Variants in WDFY3 observed in about 807,000 individuals in gnomAD.
WDFY3 encodes the protein WD repeat and FYVE domain containing 3.
A neutral mutation model predicts 409.6 loss-of-function variants in WDFY3; 66 were observed. The observed-to-expected ratio is 0.16, with a 90% confidence interval of 0.13 to 0.20. The LOEUF is 0.20. Ranked by LOEUF, WDFY3 falls within the 10% of genes least tolerant of loss-of-function variation. The pLI, the probability that WDFY3 is intolerant of heterozygous loss-of-function variation, is 1.00. For synonymous variants in WDFY3, 1,521 were observed against 1,537.1 expected, an observed-to-expected ratio of 0.99 and a Z score of 0.25; for missense variants, 3,031 against 4,298.1, an observed-to-expected ratio of 0.71 and a Z score of 8.24.
intron 46 of WDFY3, 86 bp downstream of exon 46, chr4:84,724,340 T>C (rs1415668828): frequency 5.4e-6 from 8 of 1,486,364 alleles, no homozygotes; most frequent in Non-Finnish European, 7.2e-6. Flanking sequence ...GGCCCTACTA[T>C]TTATAGTTGC....
chr4:84,832,497 A>G (rs1170016813), intron 7 of WDFY3, among the ~76,000 whole-genome samples: 1 of 152,210 alleles, frequency 6.6e-6, no homozygotes, highest in Non-Finnish European at 1.5e-5. Flanking sequence ...AATGTTCCCA[A>G]TGCAAAGAAA....
intron 3 of WDFY3, among the ~76,000 whole-genome samples, chr4:84,878,222 G>A (rs983789642): frequency 6.6e-6 from 1 of 152,074 alleles, no homozygotes; most frequent in African/African-American, 2.4e-5. Context: ...AAGGCAATAA[G>A]CCAGAATCCT....
intron 2 of WDFY3, among the ~76,000 whole-genome samples, chr4:84,925,483 G>A (rs1253465174): frequency 6.6e-6 from 1 of 152,082 alleles, no homozygotes; most frequent in Non-Finnish European, 1.5e-5. Context: ...AAGAAAGGAA[G>A]AGAGAAAGAA....
chr4:84,735,048 G>A lies in WDFY3; in HGVS notation c.6988C>T (p.Gln2330Ter). ...TGATGATTATAAGTCCTTACCTCCT[G>A]ATATTCTTTATATTGTGTATCTACT... is the stretch of plus-strand genomic sequence containing the variant. Reference protein sequence around the residue: ...DLVDTQYKEYQERQQNALKYV... With the variant: ...DLVDTQYKEY Residue 2330 changes from glutamine to a stop codon, truncating the protein, a stop_gained, in exon 43 of 68, where the codon CAG (glutamine) becomes TAG (stop). Transcript: ENST00000295888. LOFTEE classifies it high-confidence loss of function. The A allele has an allele frequency of 6.2e-7, 1 of 1,611,234 alleles. No homozygotes were observed. The highest frequency in any genetic ancestry group is 8.5e-7 in the Non-Finnish European group (1 of 1,178,692).
chr4:84,819,370 A>G (rs977071356), intron 12 of WDFY3, among the ~76,000 whole-genome samples: 40 of 152,008 alleles, frequency 2.6e-4, no homozygotes, highest in African/African-American at 8.7e-4. Context: ...ATGGCTTTCC[A>G]TAACACTTAA....
At chr4:84,732,282 G>A (rs1736724927) in intron 44 of WDFY3, among the ~76,000 whole-genome samples, 1 of 152,154 alleles carries the variant, frequency 6.6e-6, no homozygotes, top group Non-Finnish European at 1.5e-5. Flanking sequence ...TTGACAAATT[G>A]TAATTGTTTA....
intron 1 of WDFY3, among the ~76,000 whole-genome samples, chr4:84,935,049 T>C (rs1390152215): frequency 6.6e-6 from 1 of 152,180 alleles, no homozygotes; most frequent in Non-Finnish European, 1.5e-5. Context: ...CATATAGTTG[T>C]AGTTCATTCA....
intron 1 of WDFY3, among the ~76,000 whole-genome samples, chr4:84,942,980 G>T (rs1248129321): frequency 6.6e-6 from 1 of 152,082 alleles, no homozygotes; most frequent in South Asian, 2.1e-4. Context: ...TGAACAACAT[G>T]GGTTTGAACT....
At chr4:84,914,336 G>A (rs988942986) in intron 2 of WDFY3, among the ~76,000 whole-genome samples, 1 of 152,082 alleles carries the variant, frequency 6.6e-6, no homozygotes, top group African/African-American at 2.4e-5. Context: ...CAGGAGAATC[G>A]CTTGAACTTG....
At position 84,743,737 on chromosome 4, in the gene WDFY3, G is replaced by A. The variant is rs775015737; in HGVS notation, c.6036C>T (p.Ser2012=). ...QKEFQTYILD[S]VMDHLLAADV... is the part of the protein sequence containing the mutation. ...CAGCTGCAAGCAAATGGTCCATCACGCTATCCAAAATGTAAGTTTGAAATT... is the reference window on the plus strand; with the variant it reads ...CAGCTGCAAGCAAATGGTCCATCACACTATCCAAAATGTAAGTTTGAAATT... The change falls in exon 37 of 68, where the codon AGC becomes AGT. Residue 2012 remains serine (S), a synonymous_variant. Transcript: ENST00000295888. The A allele has an allele frequency of 2.3e-5, 36 of 1,594,854 alleles. No homozygotes were observed. In the Middle Eastern group the frequency reaches 1.0e-3, roughly 44 times the overall value.
chr4:84,928,654 A>ATATGGCAT (rs2150935958), intron 2 of WDFY3, among the ~76,000 whole-genome samples: 1 of 152,268 alleles, frequency 6.6e-6, no homozygotes, highest in Admixed American at 6.5e-5. Context: ...ATATCCTCAC[A>ATATGGCAT]TATGGCAGCT....
At chr4:84,833,713 GAAC>G (rs1310850598) in intron 7 of WDFY3, among the ~76,000 whole-genome samples, 69 of 148,828 alleles carry the variant, frequency 4.6e-4, no homozygotes, top group African/African-American at 1.5e-3. Flanking sequence ...GAAGAGAACA[GAAC>G]AGAAGAGAAC....
Position 84,810,338 on chromosome 4 carries a change from G to A in WDFY3, c.1894C>T (p.Leu632=). The change falls in exon 14 of 68, where the codon CTG becomes TTG. Residue 632 remains leucine (L), a synonymous_variant. Transcript: ENST00000295888. ...QLKTDILRAL[L]SVLRESHRSR... Reference sequence around the variant, plus strand: ...CGATGGCTTTCTCGAAGGACCGACAGGAGGGCCTACAGGAGACAAAAGAAA... The same window carrying A: ...CGATGGCTTTCTCGAAGGACCGACAAGAGGGCCTACAGGAGACAAAAGAAA... The A allele has an allele frequency of 6.2e-7, 1 of 1,600,698 alleles. No individual in the cohort carries two copies. Among genetic ancestry groups the A allele is most frequent in the Non-Finnish European group, 8.5e-7 (1 of 1,174,606 alleles).
chr4:84,864,787 T>C (rs1042340180), intron 3 of WDFY3, among the ~76,000 whole-genome samples: 2 of 152,218 alleles, frequency 1.3e-5, no homozygotes, highest in Non-Finnish European at 2.9e-5. Flanking sequence ...AATTATAAAA[T>C]ACTTGGAAAC....
At chr4:84,695,503 G>GAGAGAC (rs1236993225) in intron 58 of WDFY3, among the ~76,000 whole-genome samples, 117 of 131,292 alleles carry the variant, frequency 8.9e-4, no homozygotes, top group African/African-American at 3.4e-3. Flanking sequence ...CAGAGACAGA[G>GAGAGAC]AGAGATAGAG....
chr4:84,904,080 T>C (rs1376007770), intron 2 of WDFY3, among the ~76,000 whole-genome samples: 1 of 152,136 alleles, frequency 6.6e-6, no homozygotes, highest in African/African-American at 2.4e-5. Flanking sequence ...TTAGTGTCCT[T>C]ATAAAAGCTC....
At chr4:84,840,856 C>T (rs760766701) in intron 6 of WDFY3, among the ~76,000 whole-genome samples, 1 of 151,744 alleles carries the variant, frequency 6.6e-6, no homozygotes, top group Non-Finnish European at 1.5e-5. Flanking sequence ...GCTGCAATTA[C>T]AGGTGTGAGC....
chr4:84,820,162 A>T lies in WDFY3; in HGVS notation c.1616T>A (p.Val539Asp). ...TAAAGCCAGGTGTTTTTGGTCTTCA[A>T]CTGAACTATTATTTCTTGAGTCCCC... Reference protein sequence around the residue: ...EQGDSRNNSSVEDQKHLALLV... With the variant: ...EQGDSRNNSSDEDQKHLALLV... Residue 539 changes from valine (V) to aspartate (D), a missense_variant, in exon 12 of 68, where the codon GTT (valine) becomes GAT (aspartate). By Grantham distance (152) the Val-to-Asp change is radical. This residue lies in a region of WDFY3 where 1,322 missense variants were observed against 1,697.9 expected (regional missense o/e 0.78). Transcript: ENST00000295888. 6.2e-7 allele frequency: 1 copy of T among 1,610,044 alleles called. No individual in the cohort carries two copies. Among genetic ancestry groups the T allele is most frequent in the Non-Finnish European group, 8.5e-7 (1 of 1,177,710 alleles).
chr4:84,772,703 CGTAAT>C, intron 30 of WDFY3, 127 bp downstream of exon 30: 1 of 727,160 alleles, frequency 1.4e-6, no homozygotes, highest in East Asian at 3.3e-5. Flanking sequence ...GGGCCAAAAA[CGTAAT>C]GTAAGGAGAA....
Sources: gnomAD v4.1 joint callset for allele counts (sites outside exome capture counted in the v4.1 genomes callset) on GRCh38, gnomAD v4.1.1 for gene constraint, gnomAD v4.1.1 regional missense constraint, MANE v1.5 for transcripts, NCBI Gene and HGNC (gene_info 2026-07-23, HGNC 2026-07-21) for gene names.